Variants in SNTG1 observed in about 807,000 individuals in gnomAD.
SNTG1 encodes the protein gamma-1-syntrophin.
Under a neutral mutation model 74.7 loss-of-function variants are expected in SNTG1, and 39 were observed. The observed-to-expected ratio is 0.52, with a 90% confidence interval of 0.40 to 0.68. The LOEUF is 0.68. Ranked by LOEUF, SNTG1 falls within the 30% of genes least tolerant of loss-of-function variation. The pLI is 0.00. For synonymous variants in SNTG1, 254 were observed against 217.1 expected (o/e 1.17, Z -1.49); for missense variants, 685 against 609.5 (o/e 1.12, Z -1.30).
intron 12 of SNTG1, among the ~76,000 whole-genome samples, chr8:50,573,932 A>G (rs944098595): frequency 6.6e-5 from 10 of 152,060 alleles, no homozygotes; most frequent in African/African-American, 2.4e-4. Context: ...ATAACGTGAT[A>G]GAATCAAATA....
chr8:50,378,422 T>A (rs1307343639), intron 2 of SNTG1, among the ~76,000 whole-genome samples: 5 of 152,208 alleles, frequency 3.3e-5, no homozygotes, highest in Non-Finnish European at 7.3e-5. Flanking sequence ...TGCAACATGA[T>A]GAGCAAGGGG....
intron 5 of SNTG1, among the ~76,000 whole-genome samples, chr8:50,448,140 A>G (rs2131611849): frequency 6.6e-6 from 1 of 152,280 alleles, no homozygotes; most frequent in Non-Finnish European, 1.5e-5. Context: ...CTACGCCAGT[A>G]ACTTCCCCCA....
intron 8 of SNTG1, among the ~76,000 whole-genome samples, chr8:50,485,957 G>C (rs1243408867): frequency 3.3e-5 from 5 of 150,938 alleles, no homozygotes; most frequent in African/African-American, 1.2e-4. Context: ...TTTTTCTCAG[G>C]TTTGTCAAAG....
chr8:50,378,715 G>A (rs1171593879), intron 2 of SNTG1, among the ~76,000 whole-genome samples: 1 of 152,020 alleles, frequency 6.6e-6, no homozygotes, highest in African/African-American at 2.4e-5. Context: ...TCAGCAGAGA[G>A]GGTAGCTCCT....
intron 2 of SNTG1, among the ~76,000 whole-genome samples, chr8:50,369,882 T>A (rs1411788407): frequency 1.3e-5 from 2 of 152,142 alleles, no homozygotes; most frequent in East Asian, 3.9e-4. Context: ...ATTTTCTGAG[T>A]TGGTTCTGAA....
chr8:50,075,178 C>T lies in SNTG1; in HGVS notation c.-102-97383C>T, dbSNP rs112655420. Reference sequence around the variant, plus strand: ...CTGTGGGCTCCTGGGCAGCCGGAGCCTCCCCAATGGGAGCTGTCCCCTGCT... The same window carrying T: ...CTGTGGGCTCCTGGGCAGCCGGAGCTTCCCCAATGGGAGCTGTCCCCTGCT... On this transcript the variant is annotated intron_variant, in intron 1 of 18. Coordinates refer to ENST00000642720, the MANE Select transcript of SNTG1 (RefSeq NM_018967.5). Among the ~76,000 whole-genome samples the T allele has an allele frequency of 7.2e-5, 11 of 152,290 alleles. 1 individual carries two copies. Among genetic ancestry groups the T allele is most frequent in the African/African-American group, 2.4e-4 (10 of 41,582 alleles).
intron 1 of SNTG1, among the ~76,000 whole-genome samples, chr8:50,061,631 T>C (rs188049386): frequency 6.6e-6 from 1 of 152,182 alleles, no homozygotes; most frequent in South Asian, 2.1e-4. Flanking sequence ...TTTAGTGTTA[T>C]ACATTTCTGT....
At chr8:50,622,066 C>A (rs1009520274) in intron 13 of SNTG1, among the ~76,000 whole-genome samples, 1 of 152,152 alleles carries the variant, frequency 6.6e-6, no homozygotes, top group Non-Finnish European at 1.5e-5. Flanking sequence ...CATGCTAATT[C>A]TCCAACTTGC....
chr8:50,122,168 G>A (rs1196710272), intron 1 of SNTG1, among the ~76,000 whole-genome samples: 3 of 141,964 alleles, frequency 2.1e-5, no homozygotes, highest in Non-Finnish European at 3.1e-5. Context: ...GTGTGGGATA[G>A]TGTTTCTCAG....
chr8:50,090,225 A>C (rs2079668509), intron 1 of SNTG1, among the ~76,000 whole-genome samples: 1 of 152,180 alleles, frequency 6.6e-6, no homozygotes, highest in Non-Finnish European at 1.5e-5. Context: ...TTCACTTGCA[A>C]GTGACAAAAT....
intron 13 of SNTG1, among the ~76,000 whole-genome samples, chr8:50,614,494 T>C (rs572787187): frequency 6.6e-6 from 1 of 152,202 alleles, no homozygotes; most frequent in Non-Finnish European, 1.5e-5. Context: ...GGATATCTAA[T>C]GGTAGATTTA....
intron 2 of SNTG1, among the ~76,000 whole-genome samples, chr8:50,363,225 A>G (rs2092011732): frequency 6.6e-6 from 1 of 152,318 alleles, no homozygotes; most frequent in African/African-American, 2.4e-5. Context: ...GAAACTATCA[A>G]GTGCCAAGCA....
intron 5 of SNTG1, among the ~76,000 whole-genome samples, chr8:50,441,175 G>C (rs1248498028): frequency 1.3e-5 from 2 of 152,076 alleles, no homozygotes; most frequent in Non-Finnish European, 2.9e-5. Context: ...AGCGGCTGTG[G>C]GCTGTGGGCA....
At chr8:50,621,591 A>T (rs2094923738) in intron 13 of SNTG1, among the ~76,000 whole-genome samples, 1 of 152,220 alleles carries the variant, frequency 6.6e-6, no homozygotes, top group Non-Finnish European at 1.5e-5. Flanking sequence ...AAGCACTAAT[A>T]CAAACTTAGG....
chr8:50,160,305 G>A (rs932459279), intron 1 of SNTG1, among the ~76,000 whole-genome samples: 6 of 152,150 alleles, frequency 3.9e-5, no homozygotes, highest in Admixed American at 3.9e-4. Flanking sequence ...TGAAATTTTT[G>A]TGTTAAAGGG....
chr8:49,932,559 T>G (rs1807690809), intron 1 of SNTG1, among the ~76,000 whole-genome samples: 1 of 151,968 alleles, frequency 6.6e-6, no homozygotes, highest in Non-Finnish European at 1.5e-5. Context: ...AAAAAAATAG[T>G]CAGAACGTAT....
intron 1 of SNTG1, among the ~76,000 whole-genome samples, chr8:50,026,223 G>T (rs2130717747): frequency 6.6e-6 from 1 of 152,242 alleles, no homozygotes; most frequent in South Asian, 2.1e-4. Flanking sequence ...TGCCAATAAT[G>T]ATTTTACTGT....
At chr8:50,061,981 A>G (rs1191201349) in intron 1 of SNTG1, among the ~76,000 whole-genome samples, 1 of 152,128 alleles carries the variant, frequency 6.6e-6, no homozygotes, top group African/African-American at 2.4e-5. Flanking sequence ...CACATCTTCC[A>G]TATCCTTGCT....
intron 13 of SNTG1, among the ~76,000 whole-genome samples, chr8:50,638,953 G>A (rs2095055780): frequency 1.3e-5 from 2 of 152,044 alleles, no homozygotes; most frequent in Admixed American, 1.3e-4. Flanking sequence ...ACAATGGTTA[G>A]CAAATAAGAT....
Sources: allele counts gnomAD v4.1 joint callset (sites outside exome capture counted in the v4.1 genomes callset), GRCh38; gene constraint gnomAD v4.1.1; transcripts MANE v1.5; gene names NCBI Gene and HGNC (gene_info 2026-07-23, HGNC 2026-07-21).